RBFOX3: variants seen among roughly 807,000 people sequenced by gnomAD.
RBFOX3 encodes RNA binding fox-1 homolog 3.
In RBFOX3, 17 loss-of-function variants were observed where a neutral mutation model predicts 48.7. The observed-to-expected ratio is 0.35, with a 90% CI of 0.24 to 0.52. The LOEUF (loss-of-function observed/expected upper bound fraction) is 0.52, where lower values mean the gene tolerates loss of function less well. RBFOX3 is among the 20% of genes least tolerant of loss of function. The pLI is 0.94. For synonymous variants in RBFOX3, 212 were observed against 209.5 expected (o/e 1.01, Z -0.10); for missense variants, 382 against 497.5 (o/e 0.77, Z 2.21).
intron 6 of RBFOX3, among the ~76,000 whole-genome samples, chr17:79,104,752 T>G (rs1193337219): frequency 6.6e-6 from 1 of 151,778 alleles, no homozygotes; most frequent in Middle Eastern, 3.4e-3. Flanking sequence ...GCAGGACCCC[T>G]GGTTGGGAAA....
At chr17:79,576,758 G>T (rs1231010545) in intron 1 of RBFOX3, among the ~76,000 whole-genome samples, 1 of 152,104 alleles carries the variant, frequency 6.6e-6, no homozygotes, top group Non-Finnish European at 1.5e-5. Context: ...TGGAGATGAT[G>T]GAGAAGATGG....
At chr17:79,166,601 G>A (rs975074749) in intron 4 of RBFOX3, among the ~76,000 whole-genome samples, 10 of 152,158 alleles carry the variant, frequency 6.6e-5, no homozygotes, top group Admixed American at 3.3e-4. Context: ...ACCGAGATCC[G>A]GAGGAGGAGC....
intron 4 of RBFOX3, chr17:79,136,215 G>A (rs763949068): frequency 1.3e-4 from 20 of 152,328 alleles, no homozygotes; most frequent in Non-Finnish European, 2.3e-4. Flanking sequence ...CCCGCAGTAC[G>A]CGTGCACCCC....
At chr17:79,279,886 C>A (rs2069850467) in intron 3 of RBFOX3, among the ~76,000 whole-genome samples, 1 of 152,162 alleles carries the variant, frequency 6.6e-6, no homozygotes, top group Admixed American at 6.5e-5. Context: ...ACTGGAAGGT[C>A]TTAACAACTC....
the RBFOX3 span, among the ~76,000 whole-genome samples, chr17:79,620,202 T>G: frequency 1.4e-3 from 173 of 123,422 alleles, 2 homozygotes; most frequent in African/African-American, 4.9e-3. Context: ...TGCACACACG[T>G]GCACATGCAC....
intron 4 of RBFOX3, among the ~76,000 whole-genome samples, chr17:79,129,993 G>GAGGA (rs1455428605): frequency 8.5e-5 from 13 of 152,116 alleles, no homozygotes; most frequent in Non-Finnish European, 1.9e-4. Context: ...GGAGGGCAGG[G>GAGGA]GCTGCCCTGC....
At chr17:79,095,828 C>T (rs963613302) in intron 12 of RBFOX3, among the ~76,000 whole-genome samples, 2 of 152,208 alleles carry the variant, frequency 1.3e-5, no homozygotes, top group East Asian at 1.9e-4. Flanking sequence ...TCTGCCTGTC[C>T]ACTCCATTCA....
At chr17:79,439,610 T>C (rs1432270907) in intron 2 of RBFOX3, among the ~76,000 whole-genome samples, 2 of 152,222 alleles carry the variant, frequency 1.3e-5, no homozygotes, top group African/African-American at 2.4e-5. Context: ...GATGTGTATG[T>C]CATGCACACA....
chr17:79,428,992 C>T (rs1598650771), intron 2 of RBFOX3, among the ~76,000 whole-genome samples: 4 of 152,222 alleles, frequency 2.6e-5, no homozygotes, highest in Admixed American at 2.0e-4. Flanking sequence ...CTTCCCTCAC[C>T]GACTCTTCCC....
In RBFOX3 at chr17:79,181,962, AACACACACACACACACACACACACACAC is replaced by A. The variant is rs56842759; in HGVS notation, c.-34+53776_-34+53803del. Among the ~76,000 whole-genome samples the A allele has an allele frequency of 3.4e-5, 5 of 148,408 alleles. No individual in the cohort carries two copies. The East Asian group carries it at 1.0e-3, about 30-fold the overall frequency. On this transcript the variant is annotated intron_variant, in intron 4 of 14. Coordinates refer to ENST00000693108, the MANE Select transcript of RBFOX3 (RefSeq NM_001350451.2). ...CTGGAGTCTCTCATTGTCTCCAAGA[AACACACACACACACACACACACACACAC>A]ACACACACACAAACACACAATCACT...
the RBFOX3 span, among the ~76,000 whole-genome samples, chr17:79,632,767 C>A: frequency 9.0e-5 from 13 of 145,130 alleles, no homozygotes; most frequent in African/African-American, 3.0e-4. Context: ...AAAAAGTTAG[C>A]AAGGCCTGAT....
In RBFOX3 at chr17:79,199,285, T is replaced by C. The variant is rs1383510349; in HGVS notation, c.-34+36481A>G. On this transcript the variant is annotated intron_variant, in intron 4 of 14. Transcript: ENST00000693108. This position sits in a 1 kb window ranked among gnomAD's most constrained non-coding sequence, Gnocchi z 5.1. ...AGCACCACCCACCAGCCCCTTCCGG[T>C]GGACTTCACACCTGCACGGCACCTC... Among the ~76,000 whole-genome samples, 1 of 152,186 alleles carries C rather than the reference T, an allele frequency of 6.6e-6. No homozygotes were observed. Among genetic ancestry groups the C allele is most frequent in the Non-Finnish European group, 1.5e-5 (1 of 68,030 alleles).
the RBFOX3 span, among the ~76,000 whole-genome samples, chr17:79,620,484 C>T: frequency 1.4e-5 from 2 of 147,260 alleles, no homozygotes; most frequent in African/African-American, 5.3e-5. Context: ...CACACACGCA[C>T]GTGCACACAC....
At chr17:79,096,524 C>T (rs2075291623) in intron 12 of RBFOX3, 129 bp downstream of exon 12, 3 of 795,238 alleles carry the variant, frequency 3.8e-6, no homozygotes, top group Non-Finnish European at 6.1e-6. Context: ...GGCACCCTCG[C>T]CCTCCTGGCT....
intron 3 of RBFOX3, among the ~76,000 whole-genome samples, chr17:79,273,022 T>TG (rs2068019687): frequency 6.6e-6 from 1 of 152,130 alleles, no homozygotes; most frequent in Non-Finnish European, 1.5e-5. Context: ...AGGGGCGCCA[T>TG]GCTGGGGCTC....
intron 4 of RBFOX3, among the ~76,000 whole-genome samples, chr17:79,167,626 G>A (rs969277985): frequency 1.3e-5 from 2 of 152,192 alleles, no homozygotes; most frequent in African/African-American, 4.8e-5. Context: ...CTCACTCACA[G>A]CCCCGGCCGC....
At chr17:79,297,764 T>C (rs1170556592) in intron 3 of RBFOX3, among the ~76,000 whole-genome samples, 1 of 152,182 alleles carries the variant, frequency 6.6e-6, no homozygotes, top group Admixed American at 6.5e-5. Context: ...GCCCTTGGAA[T>C]TGGGCCACAG....
Position 79,242,958 on chromosome 17 carries a change from A to G in RBFOX3, c.-73-7153T>C, listed in dbSNP as rs974883048. On this transcript the variant is annotated intron_variant, in intron 3 of 14. Coordinates refer to ENST00000693108, the MANE Select transcript of RBFOX3 (RefSeq NM_001350451.2). The surrounding 1 kb of genome is among the most constrained non-coding windows in gnomAD (Gnocchi z 5.8). Reference sequence around the variant, plus strand: ...TTACTCCTCCTCTGCCTGCGTGGACACTGCTGTGGGCCCCGTGACAGCAGC... The same window carrying G: ...TTACTCCTCCTCTGCCTGCGTGGACGCTGCTGTGGGCCCCGTGACAGCAGC... Among the ~76,000 whole-genome samples the G allele has an allele frequency of 6.6e-6, 1 of 152,120 alleles. No homozygotes were observed. The highest frequency in any genetic ancestry group is 2.4e-5 in the African/African-American group (1 of 41,410).
chr17:79,513,374 G>T (rs1188813888), intron 1 of RBFOX3, among the ~76,000 whole-genome samples: 1 of 152,190 alleles, frequency 6.6e-6, no homozygotes, highest in Non-Finnish European at 1.5e-5. Flanking sequence ...CCCACACCAG[G>T]ATGCATGTCA....
Sources: allele counts gnomAD v4.1 joint callset (sites outside exome capture counted in the v4.1 genomes callset), GRCh38; gene constraint gnomAD v4.1.1; non-coding constraint Gnocchi (gnomAD v3.1); transcripts MANE v1.5; gene names NCBI Gene and HGNC (gene_info 2026-07-23, HGNC 2026-07-21).